The following LRRC66 variants were observed in gnomAD, a reference collection of about 807,000 sequenced individuals.
The protein encoded by LRRC66 is leucine-rich repeat-containing protein 66.
Under a neutral mutation model 24.6 loss-of-function variants are expected in LRRC66, and 29 were observed. That is an observed-to-expected ratio of 1.18 (90% CI 0.88 to 1.61). The LOEUF (loss-of-function observed/expected upper bound fraction) is 1.61, where lower values mean the gene tolerates loss of function less well. Among genes scored for constraint, LRRC66 ranks in the 40% most tolerant of loss-of-function variants. The pLI is 0.00. For synonymous variants in LRRC66, 411 were observed against 397.6 expected, an observed-to-expected ratio of 1.03 and a Z score of -0.40; for missense variants, 1,124 against 1,058.0, an observed-to-expected ratio of 1.06 and a Z score of -0.87.
At position 52,017,590 on chromosome 4, in the gene LRRC66, G is replaced by T; in HGVS notation, c.24C>A (p.Val8=). The T allele has an allele frequency of 6.3e-7, 1 of 1,584,542 alleles. No homozygotes were observed. Among genetic ancestry groups the T allele is most frequent in the South Asian group, 1.2e-5 (1 of 86,470 alleles). ...AATAAAGACCTATAACTATGGTAATGACTCTGAAATAGAGGTTTTTCATAA... is the reference window on the plus strand; with the variant it reads ...AATAAAGACCTATAACTATGGTAATTACTCTGAAATAGAGGTTTTTCATAA... MKNLYFR[V]ITIVIGLYFT... Residue 8 remains valine, a synonymous_variant, in exon 2 of 5, where the codon GTC becomes GTA. Transcript: ENST00000682860.
intron 2 of LRRC66, among the ~76,000 whole-genome samples, chr4:52,009,606 C>G (rs1736654444): frequency 6.6e-6 from 1 of 152,052 alleles, no homozygotes; most frequent in African/African-American, 2.4e-5. Flanking sequence ...ACATTGTGAA[C>G]AGCTTTATGC....
At chr4:52,013,031 C>T (rs1736734019) in intron 2 of LRRC66, among the ~76,000 whole-genome samples, 1 of 152,132 alleles carries the variant, frequency 6.6e-6, no homozygotes, top group Non-Finnish European at 1.5e-5. Flanking sequence ...CTAGAATGGT[C>T]CTGGGTAAGA....
chr4:51,997,768 A>G lies in LRRC66; in HGVS notation c.836T>C (p.Val279Ala), dbSNP rs917571541. Residue 279 changes from valine to alanine, a missense_variant, in exon 4 of 5, where the codon GTC (valine) becomes GCC (alanine). Val to Ala is a moderately conservative substitution (Grantham distance 64). Transcript: ENST00000682860. ...CTTACCTATAGACCTGTTGCAAATG[A>G]CATTCCACTTTTTCCTCCAGGATTC... ...ISESWRKKWN[V>A]ICNRSIGSEE... 3.1e-6 allele frequency: 5 copies of G among 1,613,868 alleles called. No individual in the cohort carries two copies. Among genetic ancestry groups the G allele is most frequent in the Middle Eastern group, 1.6e-4 (1 of 6,078 alleles).
chr4:52,007,907 A>G (rs775934483), intron 2 of LRRC66, among the ~76,000 whole-genome samples: 6 of 152,166 alleles, frequency 3.9e-5, no homozygotes, highest in Non-Finnish European at 8.8e-5. Context: ...AACTTTCAAG[A>G]TAATAGGGAC....
Position 51,997,843 on chromosome 4 carries a change from T to C in LRRC66, c.761A>G (p.Asn254Ser), listed in dbSNP as rs749593227. The stretch of plus-strand genomic sequence containing the variant: ...CACACTATCATCACACTGCCAGTTA[T>C]TATCAGCCAAGTCAACCACTAGATG... ...FPHLVVDLAD[N>S]NWQCDDSVAV... is the part of the protein sequence containing the mutation. The change falls in exon 4 of 5, where the codon AAT becomes AGT. Residue 254 changes from asparagine to serine, a missense_variant. Physicochemically the swap from Asn to Ser is conservative, Grantham distance 46. Transcript: ENST00000682860. 1.7e-5 allele frequency: 28 copies of C among 1,614,000 alleles called. 1 individual carries two copies. In the Admixed American group the frequency reaches 4.2e-4, roughly 24 times the overall value.
chr4:52,018,574 G>C (rs1736870886), intron 1 of LRRC66: 1 of 985,240 alleles, frequency 1.0e-6, no homozygotes, highest in Non-Finnish European at 1.2e-6. Context: ...TCTTGCCTCT[G>C]CCTCTTGACT....
chr4:51,997,682 A>T, intron 4 of LRRC66, 66 bp downstream of exon 4: 2 of 1,422,034 alleles, frequency 1.4e-6, no homozygotes, highest in Non-Finnish European at 2.0e-6. Context: ...TTTCAAAAAG[A>T]CTAAAATGTC....
chr4:51,993,745 C>T lies in LRRC66; in HGVS notation c.*634G>A, dbSNP rs920578808. On this transcript the variant is annotated 3_prime_UTR_variant, in exon 5 of 5. Transcript: ENST00000682860. ...ACATTTATATTTACTCAGAACTTTT[C>T]CAATTTTGCAGTTTCACGATCAGCC... 1 of 152,170 alleles carries T rather than the reference C, an allele frequency of 6.6e-6. No individual in the cohort carries two copies. The highest frequency in any genetic ancestry group is 6.5e-5 in the Admixed American group (1 of 15,274). The allele number at this position is 152,170 out of a possible 1,614,324, so 9.4% of individuals were successfully genotyped here.
intron 2 of LRRC66, among the ~76,000 whole-genome samples, chr4:52,013,489 T>G (rs148660231): frequency 6.6e-6 from 1 of 152,360 alleles, no homozygotes; most frequent in East Asian, 1.9e-4. Context: ...TAGGACAGAT[T>G]AACCAGAGAC....
Position 51,994,418 on chromosome 4 carries a change from C to G in LRRC66, c.2604G>C (p.Lys868Asn). The change falls in exon 5 of 5, where the codon AAG (lysine) becomes AAC (asparagine). Residue 868 changes from lysine (K) to asparagine (N), a missense_variant. Lys to Asn is a moderately conservative substitution (Grantham distance 94). Coordinates refer to ENST00000682860, the MANE Select transcript of LRRC66 (RefSeq NM_001024611.3). ...CSAEVPSDPD[K>N]AAFHERDSDI... The stretch of plus-strand genomic sequence containing the variant: ...CTGAGTCTCTTTCATGGAAGGCAGC[C>G]TTATCAGGATCTGAGGGAACTTCAG... 1 of 1,613,842 alleles carries G rather than the reference C, an allele frequency of 6.2e-7. No homozygotes were observed.
chr4:52,015,046 C>T (rs1471788742), intron 2 of LRRC66, among the ~76,000 whole-genome samples: 1 of 152,150 alleles, frequency 6.6e-6, no homozygotes, highest in Non-Finnish European at 1.5e-5. Context: ...TAGTCCTAAC[C>T]CCCAGTTAGC....
intron 3 of LRRC66, 108 bp downstream of exon 3, chr4:52,003,115 A>G (rs1022513773): frequency 3.7e-6 from 3 of 810,060 alleles, no homozygotes; most frequent in Admixed American, 3.1e-5. Flanking sequence ...GTTTTTGATT[A>G]ATAGCCAGTA....
intron 1 of LRRC66, among the ~76,000 whole-genome samples, chr4:52,019,155 G>A (rs146246376): frequency 0.015 from 2,331 of 152,270 alleles, 60 homozygotes; most frequent in African/African-American, 0.052. Context: ...GATTACAGGC[G>A]TGAGCCACCA....
At chr4:51,999,642 T>C (rs780390280) in intron 3 of LRRC66, among the ~76,000 whole-genome samples, 4 of 152,194 alleles carry the variant, frequency 2.6e-5, no homozygotes, top group Non-Finnish European at 5.9e-5. Context: ...TTTTTTGTCC[T>C]AGCGTCTTAT....
chr4:52,004,318 A>G (rs941488108), intron 2 of LRRC66, among the ~76,000 whole-genome samples: 10 of 152,132 alleles, frequency 6.6e-5, no homozygotes, highest in Non-Finnish European at 1.3e-4. Context: ...GTCTTATTCT[A>G]TTTTGTAGCC....
intron 1 of LRRC66, among the ~76,000 whole-genome samples, chr4:52,019,951 G>A (rs1015782082): frequency 1.3e-5 from 2 of 152,004 alleles, no homozygotes; most frequent in Non-Finnish European, 2.9e-5. Flanking sequence ...GTATTAATTT[G>A]TTAAAAAAAT....
At chr4:52,014,844 CTA>C (rs1299243620) in intron 2 of LRRC66, among the ~76,000 whole-genome samples, 2 of 152,214 alleles carry the variant, frequency 1.3e-5, no homozygotes, top group Non-Finnish European at 1.5e-5. Flanking sequence ...ATTCATCTCT[CTA>C]TGTCTTCATT....
At chr4:52,013,492 C>G (rs1736743904) in intron 2 of LRRC66, among the ~76,000 whole-genome samples, 1 of 152,168 alleles carries the variant, frequency 6.6e-6, no homozygotes, top group East Asian at 1.9e-4. Context: ...GACAGATTAA[C>G]CAGAGACTGA....
At chr4:52,019,004 G>A (rs1736883482) in intron 1 of LRRC66, among the ~76,000 whole-genome samples, 1 of 152,178 alleles carries the variant, frequency 6.6e-6, no homozygotes, top group South Asian at 2.1e-4. Flanking sequence ...AGCCTCCCGA[G>A]TAGCTGGGAT....
Sources: allele counts gnomAD v4.1 joint callset (sites outside exome capture counted in the v4.1 genomes callset), GRCh38; gene constraint gnomAD v4.1.1; transcripts MANE v1.5; gene names NCBI Gene and HGNC (gene_info 2026-07-23, HGNC 2026-07-21).